MLLT3: variants seen among roughly 807,000 people sequenced by gnomAD.
The protein encoded by MLLT3 is protein AF-9.
MLLT3 carries 4 observed loss-of-function variants against 53.2 expected under a neutral mutation model. That is an observed-to-expected ratio of 0.08 (90% CI 0.04 to 0.17). MLLT3 has a LOEUF of 0.17. Ranked by LOEUF, MLLT3 falls within the 10% of genes least tolerant of loss-of-function variation. MLLT3 has a pLI of 1.00. For synonymous variants in MLLT3, 283 were observed against 230.6 expected, an observed-to-expected ratio of 1.23 and a Z score of -2.06; for missense variants, 569 against 684.0, an observed-to-expected ratio of 0.83 and a Z score of 1.87.
chr9:20,610,638 A>T (rs1820677618), intron 2 of MLLT3, among the ~76,000 whole-genome samples: 1 of 152,180 alleles, frequency 6.6e-6, no homozygotes, highest in Non-Finnish European at 1.5e-5. Flanking sequence ...TGGAGCTATA[A>T]GTAGTATCTA....
chr9:20,371,548 GAACAA>G (rs1821602285), intron 5 of MLLT3, among the ~76,000 whole-genome samples: 1 of 152,202 alleles, frequency 6.6e-6, no homozygotes, highest in Non-Finnish European at 1.5e-5. Flanking sequence ...TATAGGAATG[GAACAA>G]CAAAACCTGG....
At chr9:20,572,812 A>T (rs1478829156) in intron 2 of MLLT3, among the ~76,000 whole-genome samples, 1 of 152,170 alleles carries the variant, frequency 6.6e-6, no homozygotes, top group Non-Finnish European at 1.5e-5. Flanking sequence ...ATAATATATA[A>T]ATAAGTAAAC....
At chr9:20,612,445 C>T (rs921759001) in intron 2 of MLLT3, among the ~76,000 whole-genome samples, 1 of 152,038 alleles carries the variant, frequency 6.6e-6, no homozygotes, top group East Asian at 1.9e-4. Flanking sequence ...TTAAATAAGA[C>T]CCTAAGCCCA....
intron 2 of MLLT3, among the ~76,000 whole-genome samples, chr9:20,503,886 G>A (rs1825312569): frequency 6.6e-6 from 1 of 152,088 alleles, no homozygotes; most frequent in African/African-American, 2.4e-5. Context: ...TTTAAAATGG[G>A]TGAAGGACTT....
At chr9:20,611,722 A>G (rs879366539) in intron 2 of MLLT3, among the ~76,000 whole-genome samples, 2 of 152,128 alleles carry the variant, frequency 1.3e-5, no homozygotes, top group Admixed American at 1.3e-4. Context: ...ACTAAATCAC[A>G]CCCAAATGCT....
At chr9:20,594,088 C>T (rs1471757642) in intron 2 of MLLT3, among the ~76,000 whole-genome samples, 1 of 151,676 alleles carries the variant, frequency 6.6e-6, no homozygotes, top group Non-Finnish European at 1.5e-5. Flanking sequence ...TTACAGACAC[C>T]CACCACCACA....
intron 2 of MLLT3, among the ~76,000 whole-genome samples, chr9:20,556,059 G>A (rs989528400): frequency 6.6e-6 from 1 of 150,996 alleles, no homozygotes; most frequent in African/African-American, 2.4e-5. Context: ...AAAGAAAAAG[G>A]GAAAATAAAA....
At position 20,586,728 on chromosome 9, in the gene MLLT3, A is replaced by G. The variant is rs889700648; in HGVS notation, c.193+33926T>C. Among the ~76,000 whole-genome samples the G allele has an allele frequency of 5.9e-5, 9 of 152,090 alleles. No individual in the cohort carries two copies. In the South Asian group the frequency reaches 1.2e-3, roughly 21 times the overall value. On this transcript the variant is annotated intron_variant, in intron 2 of 10. Transcript: ENST00000380338. ...TCCAAGGGAGGAGAGGAATGAAGGG[A>G]AAAAAAGTAGAGAAATAATGAGACT...
intron 2 of MLLT3, among the ~76,000 whole-genome samples, chr9:20,610,072 T>C (rs1820663258): frequency 6.6e-6 from 1 of 152,152 alleles, no homozygotes. Flanking sequence ...AAAACAGTAT[T>C]TTCAGAGCTG....
At chr9:20,372,893 C>T (rs959984730) in intron 5 of MLLT3, among the ~76,000 whole-genome samples, 3 of 152,120 alleles carry the variant, frequency 2.0e-5, no homozygotes, top group Non-Finnish European at 4.4e-5. Flanking sequence ...TATACTGTCA[C>T]ACTTAATAGA....
chr9:20,595,433 T>C (rs1183163101), intron 2 of MLLT3, among the ~76,000 whole-genome samples: 1 of 152,018 alleles, frequency 6.6e-6, no homozygotes, highest in African/African-American at 2.4e-5. Context: ...TTATAATTTA[T>C]ATTATAATTT....
At chr9:20,506,724 C>G (rs1825389175) in intron 2 of MLLT3, among the ~76,000 whole-genome samples, 1 of 152,154 alleles carries the variant, frequency 6.6e-6, no homozygotes, top group Non-Finnish European at 1.5e-5. Context: ...GAGCTGTCTT[C>G]TGTCATTCAA....
rs1266246858 is a variant in MLLT3, at chr9:20,414,207, T to C, written c.639A>G (p.Glu213=). The C allele has an allele frequency of 1.9e-6, 3 of 1,614,102 alleles. No individual in the cohort carries two copies. The highest frequency in any genetic ancestry group is 2.5e-6 in the Non-Finnish European group (3 of 1,180,042). Residue 213 remains glutamate, a synonymous_variant, in exon 5 of 11, where the codon GAA becomes GAG. Transcript: ENST00000380338. ...AAGGTTCTTTGAAGGCACTTTTATG[T>C]TCTCTGGAGTCTTTAGAAGGTTTTT... ...HKEKPSKDSR[E]HKSAFKEPSR...
chr9:20,565,964 ATATT>A (rs1295534099), intron 2 of MLLT3, among the ~76,000 whole-genome samples: 3 of 26,114 alleles, frequency 1.1e-4, no homozygotes, highest in South Asian at 1.4e-3. Flanking sequence ...TTATATATAT[ATATT>A]TATATATATA....
intron 2 of MLLT3, among the ~76,000 whole-genome samples, chr9:20,466,499 T>C (rs892518891): frequency 3.3e-5 from 5 of 152,214 alleles, no homozygotes; most frequent in Admixed American, 6.5e-5. Context: ...TGCTTGCTCC[T>C]ATCAAACATA....
rs558750297 is a variant in MLLT3, at chr9:20,467,106, T to G, written c.194-10320A>C. ...AGACACTATGAAAATAAGAGGGAGG[T>G]TAAAAAACAAAAAGAGAGAGAGAAC... On this transcript the variant is annotated intron_variant, in intron 2 of 10. Transcript: ENST00000380338. Among the ~76,000 whole-genome samples, 36 of 151,678 alleles carry G rather than the reference T, an allele frequency of 2.4e-4. 1 individual carries two copies. In the South Asian group the frequency reaches 7.3e-3, roughly 31 times the overall value.
chr9:20,415,439 A>G (rs1563957343), intron 4 of MLLT3: 1 of 968,324 alleles, frequency 1.0e-6, no homozygotes, highest in Non-Finnish European at 1.2e-6. Context: ...TACTTACCAT[A>G]TTTGTGAACC....
intron 2 of MLLT3, among the ~76,000 whole-genome samples, chr9:20,500,462 AG>A (rs1484954497): frequency 6.6e-6 from 1 of 152,246 alleles, no homozygotes; most frequent in Non-Finnish European, 1.5e-5. Flanking sequence ...AGCTTCAAAA[AG>A]AAAAGACAAA....
At chr9:20,544,944 G>A (rs1241536207) in intron 2 of MLLT3, among the ~76,000 whole-genome samples, 12 of 151,878 alleles carry the variant, frequency 7.9e-5, no homozygotes, top group Non-Finnish European at 1.8e-4. Flanking sequence ...ATTAGCCAAC[G>A]TGGTGGCGCA....
Sources: allele counts gnomAD v4.1 joint callset (sites outside exome capture counted in the v4.1 genomes callset), GRCh38; gene constraint gnomAD v4.1.1; transcripts MANE v1.5; gene names NCBI Gene and HGNC (gene_info 2026-07-23, HGNC 2026-07-21).